Variants in DOCK1 observed in about 807,000 individuals in gnomAD.
The protein encoded by DOCK1 is dedicator of cytokinesis 1, also known as dedicator of cytokinesis protein 1.
A neutral mutation model predicts 262.7 loss-of-function variants in DOCK1; 138 were observed. The observed-to-expected ratio is 0.53, with a 90% CI of 0.46 to 0.61. DOCK1 has a LOEUF of 0.61. DOCK1 is among the 20% of genes least tolerant of loss of function. The probability of loss-of-function intolerance (pLI) is 0.00; values close to 1 mark genes in which losing one functional copy is unlikely to be tolerated. For missense variants in DOCK1, 1,908 were observed against 2,370.7 expected, an observed-to-expected ratio of 0.80 and a Z score of 4.05; for synonymous variants, 866 against 867.4, an observed-to-expected ratio of 1.00 and a Z score of 0.03.
At chr10:127,388,013 G>A (rs4290141) in intron 38 of DOCK1, among the ~76,000 whole-genome samples, 121,854 of 152,134 alleles carry the variant, frequency 0.8, 48,889 homozygotes, top group African/African-American at 0.85. Context: ...CTCCTGACTG[G>A]GGGAAGAGAA....
chr10:127,385,221 G>A (rs1211941605), intron 38 of DOCK1, among the ~76,000 whole-genome samples: 2 of 152,120 alleles, frequency 1.3e-5, no homozygotes, highest in Non-Finnish European at 2.9e-5. Context: ...GTATTCCTTT[G>A]ACATCCTGCA....
chr10:127,212,009 A>G (rs562655645), intron 27 of DOCK1, among the ~76,000 whole-genome samples: 4 of 152,204 alleles, frequency 2.6e-5, no homozygotes, highest in African/African-American at 9.6e-5. Flanking sequence ...TGAGAATACA[A>G]TGTGTTTTCC....
chr10:127,278,867 A>G (rs1231542460), intron 29 of DOCK1, among the ~76,000 whole-genome samples: 1 of 152,196 alleles, frequency 6.6e-6, no homozygotes, highest in Non-Finnish European at 1.5e-5. Flanking sequence ...TCTGTTACTT[A>G]CAAGGTGATA....
At chr10:127,378,320 G>A (rs1208056945) in intron 35 of DOCK1, among the ~76,000 whole-genome samples, 5 of 152,170 alleles carry the variant, frequency 3.3e-5, no homozygotes, top group Non-Finnish European at 7.3e-5. Context: ...AATGCCTAGC[G>A]GTGGATTGGA....
intron 46 of DOCK1, among the ~76,000 whole-genome samples, chr10:127,422,436 A>T (rs1352072808): frequency 1.3e-5 from 2 of 152,010 alleles, no homozygotes; most frequent in Admixed American, 6.6e-5. Flanking sequence ...AAGTGCTGGG[A>T]TTACAGGTGT....
At position 126,995,585 on chromosome 10, in the gene DOCK1, C is replaced by T. The variant is rs1032561960; in HGVS notation, c.474-1163C>T. Among the ~76,000 whole-genome samples, 31 of 152,240 alleles carry T rather than the reference C, an allele frequency of 2.0e-4. No individual in the cohort carries two copies. Among genetic ancestry groups the T allele is most frequent in the South Asian group, 8.3e-4 (4 of 4,820 alleles). On this transcript the variant is annotated intron_variant, in intron 6 of 51. Coordinates refer to ENST00000623213, the MANE Select transcript of DOCK1 (RefSeq NM_001290223.2). This position sits in a 1 kb window ranked among gnomAD's most constrained non-coding sequence, Gnocchi z 5.8. ...GGGAGGCTGCAGTGAGCCGAGATGGCGGCAGTACAGTCCAGCCTTGGCTCG... is the reference window on the plus strand; with the variant it reads ...GGGAGGCTGCAGTGAGCCGAGATGGTGGCAGTACAGTCCAGCCTTGGCTCG...
At chr10:127,358,699 C>T (rs1264656689) in intron 32 of DOCK1, among the ~76,000 whole-genome samples, 25 of 152,132 alleles carry the variant, frequency 1.6e-4, no homozygotes, top group South Asian at 2.1e-4. Flanking sequence ...CATTAAAACC[C>T]GTATACATTG....
At chr10:127,158,593 A>C (rs2053302995) in intron 27 of DOCK1, among the ~76,000 whole-genome samples, 1 of 152,200 alleles carries the variant, frequency 6.6e-6, no homozygotes, top group African/African-American at 2.4e-5. Context: ...CATAGAGTCC[A>C]TATTTGTATT....
chr10:127,068,897 A>G (rs746782891), intron 23 of DOCK1, among the ~76,000 whole-genome samples: 2 of 152,238 alleles, frequency 1.3e-5, no homozygotes, highest in Non-Finnish European at 2.9e-5. Flanking sequence ...AAGGTTACAC[A>G]TTGCCTCATG....
intron 29 of DOCK1, among the ~76,000 whole-genome samples, chr10:127,294,005 C>T (rs1240614530): frequency 6.6e-6 from 1 of 152,136 alleles, no homozygotes; most frequent in African/African-American, 2.4e-5. Context: ...CAGGTGAAGC[C>T]ACCCGGAGCA....
intron 43 of DOCK1, among the ~76,000 whole-genome samples, chr10:127,411,648 C>T (rs371325578): frequency 5.3e-4 from 80 of 152,202 alleles, no homozygotes; most frequent in African/African-American, 1.8e-3. Flanking sequence ...CGAGACCAGC[C>T]TGACCAACAT....
chr10:127,093,253 T>C (rs1475029134), intron 23 of DOCK1, among the ~76,000 whole-genome samples: 216 of 127,780 alleles, frequency 1.7e-3, no homozygotes, highest in African/African-American at 6.1e-3. Flanking sequence ...TTTTTTTTTT[T>C]TTTTTTTTTG....
intron 30 of DOCK1, among the ~76,000 whole-genome samples, chr10:127,340,585 C>G (rs781631318): frequency 6.6e-6 from 1 of 152,124 alleles, no homozygotes; most frequent in Non-Finnish European, 1.5e-5. Flanking sequence ...TCTTAGTACA[C>G]GCATTGCTAT....
At chr10:127,203,014 C>T (rs1246212579) in intron 27 of DOCK1, among the ~76,000 whole-genome samples, 1 of 152,206 alleles carries the variant, frequency 6.6e-6, no homozygotes, top group African/African-American at 2.4e-5. Flanking sequence ...CATTATCTCA[C>T]TGTATTAGTT....
rs11429952 is a variant in DOCK1 at position 127,036,981 on chromosome 10, G to GAAAAA, written c.1913-726_1913-722dup. On this transcript the variant is annotated intron_variant, in intron 18 of 51. Transcript: ENST00000623213. ...AGCAAGAGCGAAACGCCATCTCAAG[G>GAAAAA]AAAAAAAAAAAAAAAAGAAAAAGAA... Among the ~76,000 whole-genome samples, 2 of 128,034 alleles carry GAAAAA rather than the reference G, an allele frequency of 1.6e-5. 1 individual carries two copies. Among genetic ancestry groups the GAAAAA allele is most frequent in the African/African-American group, 5.7e-5 (2 of 35,044 alleles). 84.0% of individuals were successfully genotyped at this position (128,034 alleles called of 152,430 possible).
intron 1 of DOCK1, among the ~76,000 whole-genome samples, chr10:126,918,001 G>T (rs958063066): frequency 6.6e-6 from 1 of 152,198 alleles, no homozygotes; most frequent in South Asian, 2.1e-4. Context: ...GCATCTGGAC[G>T]AGAGAGACTC....
intron 10 of DOCK1, chr10:127,000,739 G>A (rs2040524683): frequency 6.2e-6 from 1 of 161,780 alleles, no homozygotes; most frequent in Non-Finnish European, 1.4e-5. Context: ...CATCCGCCAT[G>A]TTGGTGCTGT....
At chr10:127,404,289 C>T in intron 39 of DOCK1, 36 bp from the exon 40 acceptor site, 1 of 1,575,696 alleles carries the variant, frequency 6.3e-7, no homozygotes, top group Non-Finnish European at 8.7e-7. Context: ...TGCTTGAATA[C>T]TCAAACCTGA....
intron 44 of DOCK1, among the ~76,000 whole-genome samples, chr10:127,415,563 TGAA>T (rs2068104517): frequency 6.6e-6 from 1 of 152,246 alleles, no homozygotes; most frequent in African/African-American, 2.4e-5. Context: ...AGTGAAAAGT[TGAA>T]GACAAATTCC....
Sources: allele counts gnomAD v4.1 joint callset (sites outside exome capture counted in the v4.1 genomes callset), GRCh38; gene constraint gnomAD v4.1.1; non-coding constraint Gnocchi (gnomAD v3.1); transcripts MANE v1.5; gene names NCBI Gene and HGNC (gene_info 2026-07-23, HGNC 2026-07-21).